The following SLC22A23 variants were observed in gnomAD, a reference collection of about 807,000 sequenced individuals.
SLC22A23 encodes the protein solute carrier family 22 member 23, also known as ion transporter protein.
Under a neutral mutation model 61.0 loss-of-function variants are expected in SLC22A23, and 26 were observed. The ratio of observed to expected loss-of-function variants is 0.43; its 90% CI spans 0.31 to 0.59. The LOEUF (loss-of-function observed/expected upper bound fraction) is 0.59, where lower values mean the gene tolerates loss of function less well. Among genes scored for constraint, SLC22A23 ranks in the 20% least tolerant of loss-of-function variants. The pLI is 0.11. For synonymous variants in SLC22A23, 430 were observed against 413.9 expected (o/e 1.04, Z -0.47); for missense variants, 796 against 934.7 (o/e 0.85, Z 1.94).
At position 3,414,004 on chromosome 6, in the gene SLC22A23, G is replaced by C. The variant is rs1181103755; in HGVS notation, c.758+1748C>G. On this transcript the variant is annotated intron_variant, in intron 2 of 9. Coordinates refer to ENST00000406686, the MANE Select transcript of SLC22A23 (RefSeq NM_015482.2). This position sits in a 1 kb window ranked among gnomAD's most constrained non-coding sequence, Gnocchi z 5.1. The stretch of plus-strand genomic sequence containing the variant: ...TGTCAGACTTCTGGTTACTCTAAGA[G>C]CAAGACCCAAACTCTTTTGTCCTCA... Among the ~76,000 whole-genome samples the C allele has an allele frequency of 5.3e-5, 8 of 152,340 alleles. No homozygotes were observed. The highest frequency in any genetic ancestry group is 1.9e-4 in the African/African-American group (8 of 41,578).
intron 1 of SLC22A23, among the ~76,000 whole-genome samples, chr6:3,452,135 G>A (rs1172466749): frequency 6.6e-6 from 1 of 152,194 alleles, no homozygotes; most frequent in African/African-American, 2.4e-5. Flanking sequence ...CAGTAGGTTA[G>A]GTGTATTAAA....
Position 3,286,964 on chromosome 6 carries a change from G to A in SLC22A23, c.1441C>T (p.Leu481=), listed in dbSNP as rs776165428. 6.2e-7 allele frequency: 1 copy of A among 1,614,016 alleles called. No homozygotes were observed. Among genetic ancestry groups the A allele is most frequent in the Non-Finnish European group, 8.5e-7 (1 of 1,180,046 alleles). ...AATCGGACCACCACGCACATGGCCA[G>A]GCAGGACACCAGCGCGATGCTGGCC... The part of the protein sequence containing the change: ...TTASIALVSC[L]AMCVVVRFLG... The change falls in exon 7 of 10, where the codon CTG becomes TTG. Residue 481 remains leucine, a synonymous_variant. Coordinates refer to ENST00000406686, the MANE Select transcript of SLC22A23 (RefSeq NM_015482.2). This position sits in a 1 kb window ranked among gnomAD's most constrained non-coding sequence, Gnocchi z 4.2.
At chr6:3,442,326 G>A (rs921285423) in intron 1 of SLC22A23, among the ~76,000 whole-genome samples, 1 of 152,226 alleles carries the variant, frequency 6.6e-6, no homozygotes, top group South Asian at 2.1e-4. Flanking sequence ...TTGTTCTGGA[G>A]ATGGATGATG....
chr6:3,396,256 C>T (rs9378789), intron 3 of SLC22A23, among the ~76,000 whole-genome samples: 56,841 of 152,088 alleles, frequency 0.37, 10,910 homozygotes, highest in East Asian at 0.53. Flanking sequence ...TGGCCTGCCA[C>T]GCCCCCATCC....
intron 1 of SLC22A23, 62 bp from the exon 2 acceptor site, chr6:3,415,917 A>T: frequency 1.6e-6 from 2 of 1,254,168 alleles, no homozygotes; most frequent in East Asian, 2.5e-5. Context: ...GTCGTACTCA[A>T]TTATAAGGGC....
chr6:3,445,025 G>C, intron 1 of SLC22A23: 1 of 971,596 alleles, frequency 1.0e-6, no homozygotes, highest in Non-Finnish European at 1.2e-6. Context: ...CCAGGTACGT[G>C]GGGGTGGGGC....
chr6:3,455,926 C>G lies in SLC22A23; in HGVS notation c.634G>C (p.Val212Leu). Residue 212 changes from valine to leucine, a missense_variant, in exon 1 of 10, where the codon GTC becomes CTC. Coordinates refer to ENST00000406686, the MANE Select transcript of SLC22A23 (RefSeq NM_015482.2). ...AWDYGIRAGL[V>L]QNVVSKWDLV... ...CTTACCTTGCTGACCACGTTCTGGACGAGGCCGGCGCGGATGCCGTAGTCC... is the reference window on the plus strand; with the variant it reads ...CTTACCTTGCTGACCACGTTCTGGAGGAGGCCGGCGCGGATGCCGTAGTCC... The G allele has an allele frequency of 2.0e-6, 3 of 1,513,180 alleles. No homozygotes were observed. Among genetic ancestry groups the G allele is most frequent in the Non-Finnish European group, 2.7e-6 (3 of 1,123,862 alleles). The allele number at this position is 1,513,180 out of a possible 1,614,324, so 93.7% of individuals were successfully genotyped here.
At chr6:3,352,126 G>A (rs994056439) in intron 3 of SLC22A23, among the ~76,000 whole-genome samples, 11 of 152,206 alleles carry the variant, frequency 7.2e-5, no homozygotes, top group Non-Finnish European at 1.6e-4. Context: ...AGGCCCACCA[G>A]GACCACAGAT....
intron 3 of SLC22A23, among the ~76,000 whole-genome samples, chr6:3,366,353 A>AG: frequency 1.3e-5 from 1 of 79,642 alleles, no homozygotes; most frequent in Non-Finnish European, 3.3e-5. Context: ...AAAAAAAAAA[A>AG]AAAAGAAAGA....
At chr6:3,412,700 A>T (rs1002392640) in intron 2 of SLC22A23, among the ~76,000 whole-genome samples, 1 of 152,204 alleles carries the variant, frequency 6.6e-6, no homozygotes, top group African/African-American at 2.4e-5. Context: ...TGAAGATGAG[A>T]TTAAGCTTAA....
intron 3 of SLC22A23, among the ~76,000 whole-genome samples, chr6:3,369,050 CT>C (rs34847864): frequency 0.36 from 53,083 of 147,374 alleles, 9,357 homozygotes; most frequent in Middle Eastern, 0.42. Context: ...GTGAGGTTTA[CT>C]TTTTTTTTTT....
chr6:3,289,624 T>C (rs1378475970), intron 6 of SLC22A23, 140 bp downstream of exon 6: 1 of 691,164 alleles, frequency 1.4e-6, no homozygotes, highest in Non-Finnish European at 2.4e-6. Flanking sequence ...CAATATCTTC[T>C]AGCCCGTGTC....
At chr6:3,367,615 C>T (rs1308906715) in intron 3 of SLC22A23, among the ~76,000 whole-genome samples, 1 of 152,180 alleles carries the variant, frequency 6.6e-6, no homozygotes, top group African/African-American at 2.4e-5. Flanking sequence ...GTTCCCATCA[C>T]AGATGAGGAG....
At chr6:3,419,283 T>C (rs73720880) in intron 1 of SLC22A23, among the ~76,000 whole-genome samples, 5,680 of 152,180 alleles carry the variant, frequency 0.037, 369 homozygotes, top group African/African-American at 0.13. Flanking sequence ...CCGTGCTCCA[T>C]TGCCCCCACA....
chr6:3,444,524 A>G (rs1771780860), intron 1 of SLC22A23, among the ~76,000 whole-genome samples: 1 of 152,138 alleles, frequency 6.6e-6, no homozygotes, highest in Admixed American at 6.5e-5. Flanking sequence ...CAGGCTTTCA[A>G]ACACATGCAG....
intron 1 of SLC22A23, among the ~76,000 whole-genome samples, chr6:3,420,192 A>G (rs959930548): frequency 2.0e-5 from 3 of 151,206 alleles, no homozygotes; most frequent in African/African-American, 4.9e-5. Flanking sequence ...GTGTGTCTAC[A>G]TTTCACACAC....
At chr6:3,407,073 CT>C (rs1258265745) in intron 3 of SLC22A23, among the ~76,000 whole-genome samples, 1 of 152,170 alleles carries the variant, frequency 6.6e-6, no homozygotes, top group Non-Finnish European at 1.5e-5. Flanking sequence ...AAGCACAGGC[CT>C]TTCCAGCAGA....
chr6:3,379,781 G>A (rs1002904491), intron 3 of SLC22A23, among the ~76,000 whole-genome samples: 7 of 151,808 alleles, frequency 4.6e-5, no homozygotes, highest in African/African-American at 1.5e-4. Flanking sequence ...CAGCTGGGAC[G>A]GGCTCAGATT....
Position 3,386,460 on chromosome 6 carries a change from T to C in SLC22A23, c.913+23728A>G, listed in dbSNP as rs900424652. Among the ~76,000 whole-genome samples, 7 of 152,154 alleles carry C rather than the reference T, an allele frequency of 4.6e-5. No homozygotes were observed. The highest frequency in any genetic ancestry group is 9.7e-5 in the African/African-American group (4 of 41,444). On this transcript the variant is annotated intron_variant, in intron 3 of 9. Transcript: ENST00000406686. The surrounding 1 kb of genome is among the most constrained non-coding windows in gnomAD (Gnocchi z 4.4). ...GTGCTTCTCTTTCCTCCTCAAGAAG[T>C]TGGCTTCTCTGGAAAGTGGGGGAGG...
Sources: allele counts gnomAD v4.1 joint callset (sites outside exome capture counted in the v4.1 genomes callset), GRCh38; gene constraint gnomAD v4.1.1; non-coding constraint Gnocchi (gnomAD v3.1); transcripts MANE v1.5; gene names NCBI Gene and HGNC (gene_info 2026-07-23, HGNC 2026-07-21).